TUSC3: variants seen among roughly 807,000 people sequenced by gnomAD.
The protein encoded by TUSC3 is tumor suppressor candidate 3, also known as dolichyl-diphosphooligosaccharide--protein glycosyltransferase subunit TUSC3.
In TUSC3, 45 loss-of-function variants were observed where a neutral mutation model predicts 44.8. The observed-to-expected ratio is 1.00, with a 90% CI of 0.79 to 1.29. TUSC3 has a LOEUF of 1.29. TUSC3 is among the 50% of genes most tolerant of loss of function. The pLI, the probability that TUSC3 is intolerant of heterozygous loss-of-function variation, is 0.00. For missense variants in TUSC3, 519 were observed against 437.9 expected (o/e 1.19, Z -1.65); for synonymous variants, 212 against 152.9 (o/e 1.39, Z -2.85).
At chr8:15,628,837 G>T (rs1480678025) in intron 2 of TUSC3, among the ~76,000 whole-genome samples, 2 of 152,190 alleles carry the variant, frequency 1.3e-5, no homozygotes, top group Non-Finnish European at 2.9e-5. Context: ...CTTTGGAATG[G>T]TCCTGTTTTC....
intron 1 of TUSC3, among the ~76,000 whole-genome samples, chr8:15,568,565 T>C (rs1451935120): frequency 6.6e-6 from 1 of 152,142 alleles, no homozygotes; most frequent in Non-Finnish European, 1.5e-5. Flanking sequence ...CTTTCAGCTT[T>C]CATTAAGAAG....
At chr8:15,831,244 A>T in the TUSC3 span, among the ~76,000 whole-genome samples, 1 of 152,188 alleles carries the variant, frequency 6.6e-6, no homozygotes, top group Non-Finnish European at 1.5e-5. Context: ...CCCACCTTAT[A>T]CTACAATCAA....
At chr8:15,448,131 A>ATTTAT (rs1563253395) in intron 1 of TUSC3, among the ~76,000 whole-genome samples, 1 of 144,092 alleles carries the variant, frequency 6.9e-6, no homozygotes, top group African/African-American at 2.6e-5. Flanking sequence ...TTATTTATTT[A>ATTTAT]TTTTTTAGAT....
In TUSC3 at chr8:15,670,477, C is replaced by G. The variant is rs1159572788; in HGVS notation, c.709-3270C>G. On this transcript the variant is annotated intron_variant, in intron 5 of 10. Coordinates refer to ENST00000503731, the MANE Select transcript of TUSC3 (RefSeq NM_006765.4). ...GGCATTTTTGATAAATATTGCCGAGCCAACTGGATATCCATATGGGAAAAA... is the reference window on the plus strand; with the variant it reads ...GGCATTTTTGATAAATATTGCCGAGGCAACTGGATATCCATATGGGAAAAA... 2.6e-5 allele frequency among the ~76,000 whole-genome samples: 4 copies of G among 151,684 alleles called. No homozygotes were observed. The East Asian group carries it at 7.7e-4, about 29-fold the overall frequency.
intron 2 of TUSC3, among the ~76,000 whole-genome samples, chr8:15,650,241 TAAAC>T (rs1488049188): frequency 6.6e-6 from 1 of 152,212 alleles, no homozygotes; most frequent in Non-Finnish European, 1.5e-5. Flanking sequence ...GTTTTTCTGT[TAAAC>T]TAAGTTGCAA....
intron 2 of TUSC3, among the ~76,000 whole-genome samples, chr8:15,626,316 C>T (rs938918328): frequency 6.6e-6 from 1 of 152,206 alleles, no homozygotes; most frequent in Non-Finnish European, 1.5e-5. Flanking sequence ...GGCCAAGTCA[C>T]CTGCTGGTGG....
chr8:15,736,909 A>G (rs528385974), intron 7 of TUSC3, among the ~76,000 whole-genome samples: 3 of 152,288 alleles, frequency 2.0e-5, no homozygotes, highest in South Asian at 2.1e-4. Context: ...TTTAGTGTCA[A>G]CTATATAATC....
intron 1 of TUSC3, among the ~76,000 whole-genome samples, chr8:15,577,117 G>C (rs1803147049): frequency 7.1e-6 from 1 of 140,148 alleles, no homozygotes; most frequent in Non-Finnish European, 1.6e-5. Flanking sequence ...CTTCTTTTGA[G>C]AAGTGTCTGT....
chr8:15,829,693 A>C, the TUSC3 span, among the ~76,000 whole-genome samples: 3 of 152,042 alleles, frequency 2.0e-5, no homozygotes, highest in Non-Finnish European at 4.4e-5. Flanking sequence ...TGAGATTATG[A>C]AACATTTTCC....
intron 1 of TUSC3, among the ~76,000 whole-genome samples, chr8:15,454,561 A>C: frequency 6.6e-6 from 1 of 152,162 alleles, no homozygotes; most frequent in Non-Finnish European, 1.5e-5. Flanking sequence ...TATTTGTTTC[A>C]ATTCTGTCTT....
At chr8:15,633,092 G>C (rs1230473415) in intron 2 of TUSC3, among the ~76,000 whole-genome samples, 1 of 152,120 alleles carries the variant, frequency 6.6e-6, no homozygotes, top group East Asian at 1.9e-4. Flanking sequence ...GGTTCTGTGG[G>C]GATGTGTGTG....
rs1420770811 is a variant in TUSC3, at chr8:15,561,263, G to A, written c.138+20695G>A. 6.1e-5 allele frequency among the ~76,000 whole-genome samples: 9 copies of A among 147,332 alleles called. No individual in the cohort carries two copies. The East Asian group carries it at 8.1e-4, about 13-fold the overall frequency. ...TGCAGGTCTGTTGGAATACCCTGCA[G>A]TGTGAGGTGTCAGTGTGCCCCTGCT... On this transcript the variant is annotated intron_variant, in intron 1 of 10. Transcript: ENST00000503731.
intron 2 of TUSC3, among the ~76,000 whole-genome samples, chr8:15,486,087 C>T (rs776010756): frequency 6.6e-6 from 1 of 152,258 alleles, no homozygotes; most frequent in Non-Finnish European, 1.5e-5. Flanking sequence ...GCCACCTTGC[C>T]CAGCTTACTC....
the TUSC3 span, among the ~76,000 whole-genome samples, chr8:15,793,691 A>T: frequency 6.6e-6 from 1 of 152,226 alleles, no homozygotes; most frequent in Non-Finnish European, 1.5e-5. Context: ...CCATGAGGGC[A>T]GGATTTTTTA....
At chr8:15,700,914 C>A (rs952208365) in intron 6 of TUSC3, among the ~76,000 whole-genome samples, 5 of 137,644 alleles carry the variant, frequency 3.6e-5, no homozygotes, top group African/African-American at 1.4e-4. Context: ...CCAGTATCAT[C>A]CAGTCCAGGA....
chr8:15,548,660 T>A (rs1563283696), intron 1 of TUSC3, among the ~76,000 whole-genome samples: 1 of 151,860 alleles, frequency 6.6e-6, no homozygotes, highest in Non-Finnish European at 1.5e-5. Context: ...CCTTATTGTT[T>A]AGCACATTTC....
intron 1 of TUSC3, among the ~76,000 whole-genome samples, chr8:15,595,621 G>A (rs1804035632): frequency 6.6e-6 from 1 of 152,146 alleles, no homozygotes; most frequent in African/African-American, 2.4e-5. Flanking sequence ...CGCTTTTGCT[G>A]TATCTTGGCC....
At position 15,463,853 on chromosome 8, in the gene TUSC3, AC is replaced by A. The variant is rs1476541603; in HGVS notation, n.92-19532del. 1.4e-4 allele frequency among the ~76,000 whole-genome samples: 22 copies of A among 152,308 alleles called. 1 individual carries two copies. The highest frequency in any genetic ancestry group is 5.1e-4 in the African/African-American group (21 of 41,574). On this transcript the variant is annotated intron_variant and non_coding_transcript_variant, in intron 1 of 5. Coordinates refer to the TUSC3 transcript ENST00000503191. Reference sequence around the variant, plus strand: ...GTACCCCAGAATATGCTGTAACATCACATCTTTCCAAAACCATACATATAAT... The same window carrying A: ...GTACCCCAGAATATGCTGTAACATCAATCTTTCCAAAACCATACATATAAT...
intron 1 of TUSC3, among the ~76,000 whole-genome samples, chr8:15,457,912 G>T (rs923233240): frequency 6.7e-6 from 1 of 149,346 alleles, no homozygotes; most frequent in Admixed American, 6.7e-5. Context: ...ATTACTAATT[G>T]AATAATAATT....
Sources: allele counts gnomAD v4.1 joint callset (sites outside exome capture counted in the v4.1 genomes callset), GRCh38; gene constraint gnomAD v4.1.1; transcripts MANE v1.5; gene names NCBI Gene and HGNC (gene_info 2026-07-23, HGNC 2026-07-21).